AGFG1: variants seen among roughly 807,000 people sequenced by gnomAD.
AGFG1 encodes the protein ArfGAP with FG repeats 1.
A neutral mutation model predicts 60.6 loss-of-function variants in AGFG1; 10 were observed. The observed-to-expected ratio is 0.16, with a 90% CI of 0.10 to 0.28. The LOEUF is 0.28. Ranked by LOEUF, AGFG1 falls within the 10% of genes least tolerant of loss-of-function variation. The probability of loss-of-function intolerance (pLI) is 1.00; values close to 1 mark genes in which losing one functional copy is unlikely to be tolerated. For missense variants in AGFG1, 537 were observed against 676.5 expected, an observed-to-expected ratio of 0.79 and a Z score of 2.29; for synonymous variants, 247 against 242.9, an observed-to-expected ratio of 1.02 and a Z score of -0.16.
intron 10 of AGFG1, among the ~76,000 whole-genome samples, chr2:227,539,009 A>G (rs1424487988): frequency 6.6e-6 from 1 of 152,228 alleles, no homozygotes; most frequent in African/African-American, 2.4e-5. Context: ...GAATTGACCA[A>G]ATCACAAGCA....
At chr2:227,476,541 G>C (rs1690285831) in intron 1 of AGFG1, among the ~76,000 whole-genome samples, 1 of 152,122 alleles carries the variant, frequency 6.6e-6, no homozygotes, top group Non-Finnish European at 1.5e-5. Context: ...TATTTTATGT[G>C]GACAGTGCAT....
intron 10 of AGFG1, among the ~76,000 whole-genome samples, chr2:227,541,705 T>C (rs1460122805): frequency 6.6e-6 from 1 of 152,222 alleles, no homozygotes; most frequent in African/African-American, 2.4e-5. Context: ...ATATGAACTT[T>C]CAAGTAGTTT....
intron 10 of AGFG1, among the ~76,000 whole-genome samples, chr2:227,549,004 A>C (rs1184886669): frequency 9.2e-6 from 1 of 108,734 alleles, no homozygotes; most frequent in East Asian, 3.0e-4. Context: ...CTTCTCCCTC[A>C]GTTAACCTTT....
chr2:227,531,070 G>A, intron 5 of AGFG1, 21 bp from the exon 6 acceptor site: 1 of 1,600,892 alleles, frequency 6.2e-7, no homozygotes, highest in Non-Finnish European at 8.5e-7. Flanking sequence ...ATTAACATAT[G>A]TTGTTCCTTA....
At position 227,507,602 on chromosome 2, in the gene AGFG1, C is replaced by CAAAAA. The variant is rs1162277041; in HGVS notation, c.262-12326_262-12322dup. On this transcript the variant is annotated intron_variant, in intron 2 of 12. Coordinates refer to ENST00000310078, the MANE Select transcript of AGFG1 (RefSeq NM_004504.5). ...TGGACGACAGAGCGAGACTCTGTCT[C>CAAAAA]AAAAAAAAAAAAAAAAAAAAAAAAG... Among the ~76,000 whole-genome samples, 37 of 61,558 alleles carry CAAAAA rather than the reference C, an allele frequency of 6.0e-4. 1 individual carries two copies. Among genetic ancestry groups the CAAAAA allele is most frequent in the East Asian group, 2.6e-3 (5 of 1,898 alleles). The allele number at this position is 61,558 out of a possible 152,430, so 40.4% of individuals were successfully genotyped here.
chr2:227,555,371 A>T lies in AGFG1; in HGVS notation c.*876A>T, dbSNP rs1008165725. On this transcript the variant is annotated 3_prime_UTR_variant, in exon 13 of 13. Transcript: ENST00000310078. The stretch of plus-strand genomic sequence containing the variant: ...TTCTTTGCAGCTTATTAATTTTGTG[A>T]AATTTGTATATATGAAGAATTTGCA... The T allele has an allele frequency of 6.6e-6, 1 of 152,580 alleles. No homozygotes were observed. Among genetic ancestry groups the T allele is most frequent in the Non-Finnish European group, 1.5e-5 (1 of 67,998 alleles). 9.5% of individuals were successfully genotyped at this position (152,580 alleles called of 1,614,324 possible).
At chr2:227,532,203 A>G in intron 6 of AGFG1, 1 of 1,546,320 alleles carries the variant, frequency 6.5e-7, no homozygotes, top group Non-Finnish European at 8.7e-7. Context: ...TCTTCAGGCT[A>G]CCCACAGTAA....
intron 1 of AGFG1, among the ~76,000 whole-genome samples, chr2:227,485,083 C>T (rs1474470844): frequency 6.6e-6 from 1 of 151,950 alleles, no homozygotes; most frequent in Non-Finnish European, 1.5e-5. Flanking sequence ...CATAGCTTTG[C>T]TGGATTCACA....
chr2:227,520,699 A>G (rs1418124689), intron 3 of AGFG1, among the ~76,000 whole-genome samples: 2 of 152,224 alleles, frequency 1.3e-5, no homozygotes, highest in East Asian at 3.8e-4. Flanking sequence ...GCTAGTGTTC[A>G]GCTACTGAGG....
intron 1 of AGFG1, among the ~76,000 whole-genome samples, chr2:227,488,812 A>G (rs1420709677): frequency 6.6e-6 from 1 of 152,018 alleles, no homozygotes; most frequent in Non-Finnish European, 1.5e-5. Context: ...TTGGAAATTT[A>G]TTTACTTATT....
In AGFG1 at chr2:227,555,276, T is replaced by C. The variant is rs1171708253; in HGVS notation, c.*781T>C. On this transcript the variant is annotated 3_prime_UTR_variant, in exon 13 of 13. Transcript: ENST00000310078. Reference sequence around the variant, plus strand: ...AATTTATTAAAACTACTATGACTGCTACATTCAGGAATATGCCAGTGGTAA... The same window carrying C: ...AATTTATTAAAACTACTATGACTGCCACATTCAGGAATATGCCAGTGGTAA... The C allele has an allele frequency of 1.3e-5, 2 of 152,606 alleles. No homozygotes were observed. The highest frequency in any genetic ancestry group is 4.8e-5 in the African/African-American group (2 of 41,466). The allele number at this position is 152,606 out of a possible 1,614,324, so 9.5% of individuals were successfully genotyped here.
In AGFG1 at chr2:227,558,445, G is replaced by C. The variant is rs114924004; in HGVS notation, c.*3950G>C. On this transcript the variant is annotated 3_prime_UTR_variant, in exon 13 of 13. Transcript: ENST00000310078. ...ATTAATATGGTAACTAGTGGAGCGTGCTTTAGATTGAAGACTCATCTGAAG... is the reference window on the plus strand; with the variant it reads ...ATTAATATGGTAACTAGTGGAGCGTCCTTTAGATTGAAGACTCATCTGAAG... 3.4e-3 allele frequency: 518 copies of C among 151,720 alleles called. 3 individuals are homozygous for C. Among genetic ancestry groups the C allele is most frequent in the African/African-American group, 0.012 (492 of 41,364 alleles). 9.4% of individuals were successfully genotyped at this position (151,720 alleles called of 1,614,324 possible).
intron 10 of AGFG1, among the ~76,000 whole-genome samples, chr2:227,543,679 T>C (rs1317128634): frequency 6.6e-6 from 1 of 152,214 alleles, no homozygotes; most frequent in African/African-American, 2.4e-5. Flanking sequence ...GTCTGCTTGG[T>C]GCAGAGCAGA....
chr2:227,496,829 T>A (rs1363074661), intron 2 of AGFG1, among the ~76,000 whole-genome samples: 3 of 152,168 alleles, frequency 2.0e-5, no homozygotes, highest in Non-Finnish European at 2.9e-5. Context: ...CTGGTTTGGA[T>A]GGTTTCTGTA....
At chr2:227,506,725 T>C (rs1691324966) in intron 2 of AGFG1, among the ~76,000 whole-genome samples, 1 of 150,888 alleles carries the variant, frequency 6.6e-6, no homozygotes, top group Non-Finnish European at 1.5e-5. Flanking sequence ...TTGCCACTAC[T>C]GGTGGAAATC....
intron 2 of AGFG1, chr2:227,510,840 T>A (rs1026553461): frequency 6.6e-6 from 1 of 152,218 alleles, no homozygotes; most frequent in Non-Finnish European, 1.5e-5. Context: ...GTTGTTGCTC[T>A]CCTTCACAAC....
chr2:227,559,102 A>G lies in AGFG1; in HGVS notation c.*4607A>G, dbSNP rs948086949. 5 of 152,178 alleles carry G rather than the reference A, an allele frequency of 3.3e-5. No homozygotes were observed. The highest frequency in any genetic ancestry group is 1.2e-4 in the African/African-American group (5 of 41,446). The allele number at this position is 152,178 out of a possible 1,614,324, so 9.4% of individuals were successfully genotyped here. Reference sequence around the variant, plus strand: ...AACCTTGGTTTTAAAAAGTCCAATTATTGTGCTCTTATAGGGGTTGCACAT... The same window carrying G: ...AACCTTGGTTTTAAAAAGTCCAATTGTTGTGCTCTTATAGGGGTTGCACAT... On this transcript the variant is annotated 3_prime_UTR_variant, in exon 13 of 13. Coordinates refer to ENST00000310078, the MANE Select transcript of AGFG1 (RefSeq NM_004504.5).
In AGFG1 at chr2:227,557,018, C is replaced by T. The variant is rs1295586942; in HGVS notation, c.*2523C>T. 2 of 151,576 alleles carry T rather than the reference C, an allele frequency of 1.3e-5. No individual in the cohort carries two copies. Among genetic ancestry groups the T allele is most frequent in the African/African-American group, 4.8e-5 (2 of 41,330 alleles). The allele number at this position is 151,576 out of a possible 1,614,324, so 9.4% of individuals were successfully genotyped here. A position where few individuals can be genotyped will look rare whatever the true frequency, so the allele number is the denominator to read the frequency against. On this transcript the variant is annotated 3_prime_UTR_variant, in exon 13 of 13. Coordinates refer to ENST00000310078, the MANE Select transcript of AGFG1 (RefSeq NM_004504.5). ...TTTATTATTAAAGAAAATCAGCTTT[C>T]GTTAGACTTTTACATTTAGATTTAT...
At chr2:227,495,417 A>G (rs974456250) in intron 2 of AGFG1, among the ~76,000 whole-genome samples, 5 of 151,674 alleles carry the variant, frequency 3.3e-5, no homozygotes, top group Non-Finnish European at 5.9e-5. Flanking sequence ...GTGGTGGTAC[A>G]CATCTGTAGT....
Sources: gnomAD v4.1 joint callset for allele counts (sites outside exome capture counted in the v4.1 genomes callset) on GRCh38, gnomAD v4.1.1 for gene constraint, MANE v1.5 for transcripts, NCBI Gene and HGNC (gene_info 2026-07-23, HGNC 2026-07-21) for gene names.